SORCS3: variants seen among roughly 807,000 people sequenced by gnomAD.
SORCS3 encodes VPS10 domain-containing receptor SorCS3.
SORCS3 carries 57 observed loss-of-function variants against 146.3 expected under a neutral mutation model. That is an observed-to-expected ratio of 0.39 (90% CI 0.31 to 0.49). The LOEUF is 0.49. SORCS3 is among the 20% of genes least tolerant of loss of function. The probability of loss-of-function intolerance (pLI) is 0.92; values close to 1 mark genes in which losing one functional copy is unlikely to be tolerated. For synonymous variants in SORCS3, 653 were observed against 618.5 expected, an observed-to-expected ratio of 1.06 and a Z score of -0.83; for missense variants, 1,341 against 1,575.5, an observed-to-expected ratio of 0.85 and a Z score of 2.52.
chr10:104,779,518 A>C (rs1198056081), intron 1 of SORCS3, among the ~76,000 whole-genome samples: 2 of 152,190 alleles, frequency 1.3e-5, no homozygotes, highest in Non-Finnish European at 2.9e-5. Flanking sequence ...CCACACCAGG[A>C]CTTGCAGTGT....
At chr10:104,699,214 T>A (rs184841766) in intron 1 of SORCS3, among the ~76,000 whole-genome samples, 1 of 152,278 alleles carries the variant, frequency 6.6e-6, no homozygotes, top group Non-Finnish European at 1.5e-5. Flanking sequence ...ACTTTAGCTG[T>A]GGGTGTCCCA....
At chr10:104,795,561 G>A (rs2017545047) in intron 1 of SORCS3, among the ~76,000 whole-genome samples, 1 of 152,250 alleles carries the variant, frequency 6.6e-6, no homozygotes, top group African/African-American at 2.4e-5. Context: ...TTTTCAAGCT[G>A]TGTGGAATGT....
intron 4 of SORCS3, among the ~76,000 whole-genome samples, chr10:104,992,898 A>G (rs2055003010): frequency 1.3e-5 from 2 of 152,098 alleles, no homozygotes; most frequent in African/African-American, 4.8e-5. Flanking sequence ...ATGGTTTTAC[A>G]TTTATTAGGT....
At position 105,262,581 on chromosome 10, in the gene SORCS3, A is replaced by C. The variant is rs1233371246; in HGVS notation, c.3604+90A>C. ...TGTCCCCCATACATTACTGGACTGG[A>C]GGGTGGGGACAAACAACTACCTACA... is the stretch of plus-strand genomic sequence containing the variant. On this transcript the variant is annotated intron_variant, in intron 26 of 26. Transcript: ENST00000369701. 2.2e-6 allele frequency: 3 copies of C among 1,357,630 alleles called. No homozygotes were observed. In the East Asian group the frequency reaches 7.2e-5, roughly 33 times the overall value. 84.1% of individuals were successfully genotyped at this position (1,357,630 alleles called of 1,614,324 possible).
intron 5 of SORCS3, among the ~76,000 whole-genome samples, chr10:105,084,984 C>A (rs1034327222): frequency 2.0e-5 from 3 of 152,106 alleles, no homozygotes; most frequent in Non-Finnish European, 2.9e-5. Flanking sequence ...CCCGACTCGG[C>A]CTCCCAAAGT....
chr10:104,911,370 T>A (rs181567218), intron 2 of SORCS3, among the ~76,000 whole-genome samples: 1 of 152,212 alleles, frequency 6.6e-6, no homozygotes, highest in African/African-American at 2.4e-5. Context: ...GAGGGTGTCC[T>A]TTGTTGGGCA....
intron 1 of SORCS3, among the ~76,000 whole-genome samples, chr10:104,765,114 G>A (rs1174120444): frequency 6.6e-6 from 1 of 152,124 alleles, no homozygotes; most frequent in African/African-American, 2.4e-5. Context: ...TAGGTCTGTG[G>A]GAGTGCCCTA....
chr10:105,012,953 G>A (rs2055143651), intron 4 of SORCS3, among the ~76,000 whole-genome samples: 1 of 152,164 alleles, frequency 6.6e-6, no homozygotes, highest in African/African-American at 2.4e-5. Flanking sequence ...ACCTCATAAT[G>A]TGAAGGTTGA....
At chr10:105,028,904 C>T (rs979620382) in intron 4 of SORCS3, among the ~76,000 whole-genome samples, 3 of 152,134 alleles carry the variant, frequency 2.0e-5, no homozygotes, top group Admixed American at 6.5e-5. Flanking sequence ...TACCTAAGAG[C>T]AGGGGTCAGC....
chr10:104,819,791 G>A (rs1040810824), intron 1 of SORCS3, among the ~76,000 whole-genome samples: 5 of 152,186 alleles, frequency 3.3e-5, no homozygotes, highest in Admixed American at 6.5e-5. Context: ...AGAAGTTGAG[G>A]GCTGGAGAGT....
intron 4 of SORCS3, among the ~76,000 whole-genome samples, chr10:105,029,328 C>T (rs1383197099): frequency 2.6e-5 from 4 of 152,168 alleles, no homozygotes; most frequent in South Asian, 2.1e-4. Flanking sequence ...TTCTTTCTCA[C>T]CCCATTTTAA....
Position 104,961,698 on chromosome 10 carries a change from G to A in SORCS3, c.796-15637G>A, listed in dbSNP as rs1016448214. On this transcript the variant is annotated intron_variant, in intron 3 of 26. Transcript: ENST00000369701. ...TATGCAACTGGTAATGCCTTGGCTGGCAGAGGGACAGTGCCTCAGGTAAAG... is the reference window on the plus strand; with the variant it reads ...TATGCAACTGGTAATGCCTTGGCTGACAGAGGGACAGTGCCTCAGGTAAAG... Among the ~76,000 whole-genome samples, 9 of 152,168 alleles carry A rather than the reference G, an allele frequency of 5.9e-5. No individual in the cohort carries two copies. The South Asian group carries it at 6.2e-4, about 10-fold the overall frequency.
intron 1 of SORCS3, among the ~76,000 whole-genome samples, chr10:104,813,808 A>AT (rs1312989143): frequency 1.3e-5 from 2 of 150,972 alleles, no homozygotes; most frequent in African/African-American, 2.4e-5. Flanking sequence ...TGGGTTTGAG[A>AT]AAAAAAAAAT....
chr10:104,789,870 T>G (rs978476025), intron 1 of SORCS3, among the ~76,000 whole-genome samples: 2 of 152,186 alleles, frequency 1.3e-5, no homozygotes, highest in Non-Finnish European at 2.9e-5. Context: ...CCTGCCTGGT[T>G]TTTCTGGCTG....
At chr10:105,154,767 A>C (rs1440911287) in intron 9 of SORCS3, among the ~76,000 whole-genome samples, 1 of 152,208 alleles carries the variant, frequency 6.6e-6, no homozygotes, top group East Asian at 1.9e-4. Flanking sequence ...ACATGTGTAC[A>C]CATACATGCA....
chr10:105,040,544 C>G (rs879623909), intron 4 of SORCS3, among the ~76,000 whole-genome samples: 1 of 152,124 alleles, frequency 6.6e-6, no homozygotes, highest in Non-Finnish European at 1.5e-5. Context: ...ATCTGTCAAC[C>G]TCTAGAGCTT....
chr10:104,703,734 G>A (rs1231765852), intron 1 of SORCS3, among the ~76,000 whole-genome samples: 22 of 129,984 alleles, frequency 1.7e-4, no homozygotes, highest in East Asian at 2.3e-4. Context: ...TTTTTAAGAA[G>A]AAATGAAGAA....
At chr10:105,078,248 C>G (rs2133731927) in intron 5 of SORCS3, among the ~76,000 whole-genome samples, 1 of 152,200 alleles carries the variant, frequency 6.6e-6, no homozygotes, top group East Asian at 1.9e-4. Flanking sequence ...TTATTGTTCC[C>G]ATTCATGTAT....
intron 4 of SORCS3, among the ~76,000 whole-genome samples, chr10:105,041,332 C>T (rs992037990): frequency 6.7e-6 from 1 of 148,348 alleles, no homozygotes; most frequent in Admixed American, 6.8e-5. Context: ...TAACCAAATG[C>T]AACTCAAACC....
Sources: allele counts gnomAD v4.1 joint callset (sites outside exome capture counted in the v4.1 genomes callset), GRCh38; gene constraint gnomAD v4.1.1; transcripts MANE v1.5; gene names NCBI Gene and HGNC (gene_info 2026-07-23, HGNC 2026-07-21).